Variants in DYNC1LI1 observed in about 807,000 individuals in gnomAD.
DYNC1LI1 encodes dynein cytoplasmic 1 light intermediate chain 1, also known as cytoplasmic dynein 1 light intermediate chain 1.
DYNC1LI1 carries 19 observed loss-of-function variants against 63.8 expected under a neutral mutation model. The observed-to-expected ratio is 0.30, with a 90% CI of 0.21 to 0.44. The LOEUF (loss-of-function observed/expected upper bound fraction) is 0.44, where lower values mean the gene tolerates loss of function less well. Among genes scored for constraint, DYNC1LI1 ranks in the 20% least tolerant of loss-of-function variants. The pLI is 1.00. For synonymous variants in DYNC1LI1, 225 were observed against 232.3 expected (o/e 0.97, Z 0.28); for missense variants, 565 against 630.2 (o/e 0.90, Z 1.11).
intron 2 of DYNC1LI1, among the ~76,000 whole-genome samples, chr3:32,568,506 A>T (rs2125447858): frequency 1.3e-5 from 2 of 152,318 alleles, no homozygotes; most frequent in Admixed American, 1.3e-4. Context: ...TGAACTATTA[A>T]GTTCATAAAA....
In DYNC1LI1 at chr3:32,537,028, C is replaced by T. The variant is rs888023615; in HGVS notation, c.815G>A (p.Arg272Gln). The change falls in exon 6 of 13, where the codon CGG becomes CAG. Residue 272 changes from arginine to glutamine, a missense_variant. Physicochemically the swap from Arg to Gln is conservative, Grantham distance 43. Coordinates refer to ENST00000273130, the MANE Select transcript of DYNC1LI1 (RefSeq NM_016141.4). ...AAGGATACACTGTAAACAAAACTTC[C>T]GGATATGTGACTGAATAAAATCAAA... ...EHFDFIQSHI[R>Q]KFCLQYGAAL... The T allele has an allele frequency of 5.7e-6, 9 of 1,588,098 alleles. No homozygotes were observed. The highest frequency in any genetic ancestry group is 1.4e-5 in the African/African-American group (1 of 74,058).
chr3:32,552,534 A>C (rs2125441299), intron 2 of DYNC1LI1, among the ~76,000 whole-genome samples: 1 of 152,196 alleles, frequency 6.6e-6, no homozygotes. Context: ...GAACATACTA[A>C]GATACTATGT....
At chr3:32,548,820 T>C (rs1697994082) in intron 2 of DYNC1LI1, among the ~76,000 whole-genome samples, 1 of 152,190 alleles carries the variant, frequency 6.6e-6, no homozygotes, top group Non-Finnish European at 1.5e-5. Flanking sequence ...CCATAATGCA[T>C]ATATATACTC....
intron 6 of DYNC1LI1, among the ~76,000 whole-genome samples, chr3:32,535,824 A>C (rs190150272): frequency 6.6e-6 from 1 of 152,246 alleles, no homozygotes; most frequent in East Asian, 1.9e-4. Context: ...ACTGGCTCTA[A>C]TGGTCTCTAT....
intron 2 of DYNC1LI1, among the ~76,000 whole-genome samples, chr3:32,553,730 A>T (rs1023168839): frequency 2.0e-5 from 3 of 152,142 alleles, no homozygotes; most frequent in Non-Finnish European, 4.4e-5. Context: ...CTAACACAAC[A>T]ACTCTGAGGG....
rs981794746 is a variant in DYNC1LI1, at chr3:32,551,975, C to T, written c.221-6010G>A. 2.6e-5 allele frequency among the ~76,000 whole-genome samples: 4 copies of T among 152,298 alleles called. No homozygotes were observed. In the South Asian group the frequency reaches 6.2e-4, roughly 24 times the overall value. On this transcript the variant is annotated intron_variant, in intron 2 of 12. Coordinates refer to ENST00000273130, the MANE Select transcript of DYNC1LI1 (RefSeq NM_016141.4). ...CCCACAGACTTCCTTCAAGGCTCAG[C>T]TTCTCCCAAACTACTTACTAGTCAT...
rs375534344 is a variant in DYNC1LI1, at chr3:32,544,940, A to T, written c.504T>A (p.Val168=). The T allele has an allele frequency of 2.8e-5, 46 of 1,614,148 alleles. No individual in the cohort carries two copies. In the African/African-American group the frequency reaches 5.5e-4, roughly 19 times the overall value. ...TCAGTTTGTCAACATGTTCTCTAAC[A>T]ACACTTGCCCATTTCTGTAAAGAAT... ...ALDSLQKWAS[V]VREHVDKLKI... Residue 168 remains valine, a synonymous_variant, in exon 4 of 13, where the codon GTT becomes GTA. Coordinates refer to ENST00000273130, the MANE Select transcript of DYNC1LI1 (RefSeq NM_016141.4).
chr3:32,553,796 T>C (rs543198920), intron 2 of DYNC1LI1, among the ~76,000 whole-genome samples: 3 of 152,346 alleles, frequency 2.0e-5, no homozygotes, highest in Admixed American at 6.5e-5. Context: ...AAGTACCTTA[T>C]CCAAGTTCAC....
At chr3:32,558,864 TAAC>T (rs1178712845) in intron 2 of DYNC1LI1, among the ~76,000 whole-genome samples, 1 of 150,938 alleles carries the variant, frequency 6.6e-6, no homozygotes, top group Admixed American at 6.6e-5. Flanking sequence ...AAAAAAATAA[TAAC>T]AACAATTAAC....
At chr3:32,557,331 C>A (rs919632683) in intron 2 of DYNC1LI1, among the ~76,000 whole-genome samples, 3 of 151,922 alleles carry the variant, frequency 2.0e-5, no homozygotes, top group African/African-American at 7.3e-5. Flanking sequence ...GCCTGGCCAA[C>A]ATGACGAAAC....
At chr3:32,542,801 G>C (rs192133337) in intron 4 of DYNC1LI1, among the ~76,000 whole-genome samples, 42 of 152,286 alleles carry the variant, frequency 2.8e-4, no homozygotes, top group Non-Finnish European at 5.6e-4. Flanking sequence ...CCAGATCTTT[G>C]GATCATGAAG....
chr3:32,547,220 G>A (rs1397090043), intron 2 of DYNC1LI1, among the ~76,000 whole-genome samples: 1 of 152,152 alleles, frequency 6.6e-6, no homozygotes, highest in South Asian at 2.1e-4. Flanking sequence ...TCCAGCCTGG[G>A]CAACAGAGTG....
At chr3:32,539,799 T>G (rs1033462312) in intron 5 of DYNC1LI1, among the ~76,000 whole-genome samples, 6 of 151,884 alleles carry the variant, frequency 4.0e-5, no homozygotes, top group Admixed American at 3.9e-4. Context: ...CCTCCCAAAA[T>G]GCTGGGATTA....
intron 2 of DYNC1LI1, among the ~76,000 whole-genome samples, chr3:32,551,088 T>G (rs1488584091): frequency 6.6e-6 from 1 of 151,924 alleles, no homozygotes; most frequent in Non-Finnish European, 1.5e-5. Flanking sequence ...ATATCAAAAT[T>G]GTTGTCCTCT....
rs1486394215 is a variant in DYNC1LI1 at position 32,555,803 on chromosome 3, G to A, written c.221-9838C>T. On this transcript the variant is annotated intron_variant, in intron 2 of 12. Coordinates refer to ENST00000273130, the MANE Select transcript of DYNC1LI1 (RefSeq NM_016141.4). The stretch of plus-strand genomic sequence containing the variant: ...TGATATCTGCAACTTACACTGAAAT[G>A]CATTTTTAAAAAATGGGTAAGAGAG... 2.0e-5 allele frequency among the ~76,000 whole-genome samples: 3 copies of A among 152,176 alleles called. No individual in the cohort carries two copies. In the East Asian group the frequency reaches 5.8e-4, roughly 29 times the overall value.
At chr3:32,539,756 C>T (rs535146384) in intron 5 of DYNC1LI1, among the ~76,000 whole-genome samples, 1 of 151,486 alleles carries the variant, frequency 6.6e-6, no homozygotes, top group East Asian at 1.9e-4. Context: ...AGGATGGTCT[C>T]GATCTCCTGA....
intron 5 of DYNC1LI1, among the ~76,000 whole-genome samples, chr3:32,538,562 A>T (rs1007861355): frequency 6.6e-6 from 1 of 152,042 alleles, no homozygotes; most frequent in East Asian, 1.9e-4. Flanking sequence ...TTAGCCGGCC[A>T]TGGTGGCGGG....
intron 2 of DYNC1LI1, among the ~76,000 whole-genome samples, chr3:32,562,286 A>C (rs1018436198): frequency 1.3e-5 from 2 of 152,172 alleles, no homozygotes; most frequent in African/African-American, 4.8e-5. Flanking sequence ...ATAAATAAAT[A>C]AGAAAAAATG....
chr3:32,539,373 C>A lies in DYNC1LI1; in HGVS notation c.738+1664G>T, dbSNP rs114798744. Reference sequence around the variant, plus strand: ...ACTCCAACAATGAATAAATTCTATACCCTCCTTTAATTTTACATGTGCAAA... The same window carrying A: ...ACTCCAACAATGAATAAATTCTATAACCTCCTTTAATTTTACATGTGCAAA... On this transcript the variant is annotated intron_variant, in intron 5 of 12. Coordinates refer to ENST00000273130, the MANE Select transcript of DYNC1LI1 (RefSeq NM_016141.4). Among the ~76,000 whole-genome samples the A allele has an allele frequency of 8.8e-3, 1,331 of 151,956 alleles. 24 individuals are homozygous for A. The highest frequency in any genetic ancestry group is 0.031 in the African/African-American group (1,274 of 41,408).
Sources: gnomAD v4.1 joint callset for allele counts (sites outside exome capture counted in the v4.1 genomes callset) on GRCh38, gnomAD v4.1.1 for gene constraint, MANE v1.5 for transcripts, NCBI Gene and HGNC (gene_info 2026-07-23, HGNC 2026-07-21) for gene names.